TMEM117: variants seen among roughly 807,000 people sequenced by gnomAD.
TMEM117 encodes transmembrane protein 117.
A neutral mutation model predicts 52.4 loss-of-function variants in TMEM117; 27 were observed. The observed-to-expected ratio is 0.51, with a 90% CI of 0.38 to 0.71. The LOEUF is 0.71. TMEM117 is among the 30% of genes least tolerant of loss of function. The probability of loss-of-function intolerance (pLI) is 0.00; values close to 1 mark genes in which losing one functional copy is unlikely to be tolerated. For synonymous variants in TMEM117, 215 were observed against 206.3 expected, an observed-to-expected ratio of 1.04 and a Z score of -0.36; for missense variants, 556 against 630.5, an observed-to-expected ratio of 0.88 and a Z score of 1.26.
At position 43,888,672 on chromosome 12, in the gene TMEM117, C is replaced by T. The variant is rs548707642; in HGVS notation, c.277+43744C>T. ...ACGCCATTCTCCTGCCTCAGCCTCC[C>T]GAGTAGCTGGGACTACAGGTGCCTG... On this transcript the variant is annotated intron_variant, in intron 2 of 7. Coordinates refer to ENST00000266534, the MANE Select transcript of TMEM117 (RefSeq NM_032256.3). Among the ~76,000 whole-genome samples, 821 of 150,456 alleles carry T rather than the reference C, an allele frequency of 5.5e-3. 5 individuals are homozygous for T. Among genetic ancestry groups the T allele is most frequent in the Middle Eastern group, 0.01 (3 of 292 alleles).
chr12:43,859,457 T>C (rs1320132955), intron 2 of TMEM117, among the ~76,000 whole-genome samples: 1 of 152,140 alleles, frequency 6.6e-6, no homozygotes, highest in East Asian at 1.9e-4. Context: ...ATGGAGCATA[T>C]CTCTCCCTTC....
intron 3 of TMEM117, among the ~76,000 whole-genome samples, chr12:43,984,525 C>T (rs535792461): frequency 6.6e-5 from 10 of 152,154 alleles, no homozygotes; most frequent in Admixed American, 1.3e-4. Context: ...CAGTTAATCT[C>T]CTTTTATCAG....
chr12:43,853,034 C>T (rs918020336), intron 2 of TMEM117, among the ~76,000 whole-genome samples: 6 of 152,180 alleles, frequency 3.9e-5, no homozygotes, highest in Non-Finnish European at 7.3e-5. Context: ...TGATTCTAAA[C>T]CTGTTAATAC....
chr12:43,961,090 A>G (rs531623932), intron 3 of TMEM117, among the ~76,000 whole-genome samples: 2 of 152,312 alleles, frequency 1.3e-5, no homozygotes, highest in African/African-American at 4.8e-5. Context: ...CAAGTGTAAA[A>G]TGAGGATGTT....
At chr12:44,117,586 A>G (rs1469836433) in intron 3 of TMEM117, among the ~76,000 whole-genome samples, 1 of 152,098 alleles carries the variant, frequency 6.6e-6, no homozygotes, top group Non-Finnish European at 1.5e-5. Flanking sequence ...CAATAGCTTG[A>G]TCCTGAAGTC....
intron 3 of TMEM117, among the ~76,000 whole-genome samples, chr12:44,086,405 T>C (rs1452425705): frequency 6.6e-5 from 10 of 151,936 alleles, no homozygotes; most frequent in Non-Finnish European, 5.9e-5. Context: ...TTAGTAGAGA[T>C]GGGGTTTCAC....
intron 4 of TMEM117, among the ~76,000 whole-genome samples, chr12:44,179,735 T>C (rs574543066): frequency 6.6e-6 from 1 of 152,236 alleles, no homozygotes; most frequent in Non-Finnish European, 1.5e-5. Flanking sequence ...CACCTGGGCA[T>C]CCCTCAATCC....
intron 5 of TMEM117, among the ~76,000 whole-genome samples, chr12:44,258,117 C>T (rs1258520183): frequency 6.6e-6 from 1 of 152,050 alleles, no homozygotes; most frequent in African/African-American, 2.4e-5. Context: ...CTTGGCTTAG[C>T]TTTGAATTCA....
intron 3 of TMEM117, among the ~76,000 whole-genome samples, chr12:44,050,419 C>T (rs994072041): frequency 2.0e-5 from 3 of 152,124 alleles, no homozygotes; most frequent in South Asian, 4.1e-4. Flanking sequence ...TCACGTGATC[C>T]GCCTGCCTCA....
chr12:44,028,622 GT>G (rs1470934540), intron 3 of TMEM117, among the ~76,000 whole-genome samples: 2 of 152,164 alleles, frequency 1.3e-5, no homozygotes, highest in African/African-American at 4.8e-5. Context: ...CCATGGCAGC[GT>G]CAGGAAGTTA....
intron 1 of TMEM117, among the ~76,000 whole-genome samples, chr12:43,841,308 A>G (rs908289522): frequency 2.0e-5 from 3 of 152,236 alleles, no homozygotes; most frequent in African/African-American, 7.2e-5. Context: ...ATTAAGGGCT[A>G]GGTGTAAGTC....
intron 5 of TMEM117, among the ~76,000 whole-genome samples, chr12:44,216,694 A>G (rs1453457493): frequency 6.6e-6 from 1 of 152,148 alleles, no homozygotes; most frequent in Non-Finnish European, 1.5e-5. Flanking sequence ...GTTGGTAAAA[A>G]CTGTGGTCTG....
At chr12:44,293,485 C>G (rs1424277664) in intron 5 of TMEM117, among the ~76,000 whole-genome samples, 1 of 151,800 alleles carries the variant, frequency 6.6e-6, no homozygotes, top group Non-Finnish European at 1.5e-5. Flanking sequence ...TTTTGCTATT[C>G]TTCTGTTCCT....
intron 3 of TMEM117, among the ~76,000 whole-genome samples, chr12:44,066,255 C>T (rs953589450): frequency 2.5e-4 from 38 of 152,082 alleles, no homozygotes; most frequent in African/African-American, 8.7e-4. Flanking sequence ...AACTTTAGGC[C>T]AAACTTAATT....
intron 5 of TMEM117, among the ~76,000 whole-genome samples, chr12:44,218,545 C>A (rs1420650035): frequency 3.3e-5 from 5 of 152,082 alleles, no homozygotes; most frequent in African/African-American, 9.7e-5. Context: ...GTGGTAAAAC[C>A]CGAAAGCTTC....
At chr12:44,032,667 T>C (rs1001906135) in intron 3 of TMEM117, among the ~76,000 whole-genome samples, 2 of 152,256 alleles carry the variant, frequency 1.3e-5, no homozygotes, top group Admixed American at 1.3e-4. Context: ...GCTTATTAAA[T>C]GTTTTTGTAA....
At chr12:43,898,528 G>T (rs1049576963) in intron 2 of TMEM117, among the ~76,000 whole-genome samples, 3 of 151,910 alleles carry the variant, frequency 2.0e-5, no homozygotes, top group Admixed American at 6.6e-5. Context: ...CTGGCTGTGG[G>T]ATGGGAGGCT....
chr12:44,116,948 A>G (rs1948154926), intron 3 of TMEM117, among the ~76,000 whole-genome samples: 1 of 152,218 alleles, frequency 6.6e-6, no homozygotes, highest in African/African-American at 2.4e-5. Flanking sequence ...ATGAATCTCC[A>G]TGTTGTTGTC....
intron 3 of TMEM117, among the ~76,000 whole-genome samples, chr12:44,022,953 G>A (rs1026426595): frequency 4.6e-5 from 7 of 152,180 alleles, no homozygotes; most frequent in South Asian, 2.1e-4. Context: ...AATAAAGGAA[G>A]CAGATCAATT....
Sources: gnomAD v4.1 joint callset for allele counts (sites outside exome capture counted in the v4.1 genomes callset) on GRCh38, gnomAD v4.1.1 for gene constraint, MANE v1.5 for transcripts, NCBI Gene and HGNC (gene_info 2026-07-23, HGNC 2026-07-21) for gene names.